STAG1: variants seen among roughly 807,000 people sequenced by gnomAD.
STAG1 encodes STAG1 cohesin complex component.
In STAG1, 26 loss-of-function variants were observed where a neutral mutation model predicts 170.9. The observed-to-expected ratio is 0.15, with a 90% CI of 0.11 to 0.21. The LOEUF (loss-of-function observed/expected upper bound fraction) is 0.21. STAG1 is among the 10% of genes least tolerant of loss of function. STAG1 has a pLI of 1.00. For synonymous variants in STAG1, 514 were observed against 497.7 expected (o/e 1.03, Z -0.44); for missense variants, 964 against 1,509.5 (o/e 0.64, Z 5.99).
Position 136,747,531 on chromosome 3 carries a change from A to G in STAG1, c.-84+4664T>C, listed in dbSNP as rs184562145. Among the ~76,000 whole-genome samples the G allele has an allele frequency of 2.7e-3, 403 of 152,008 alleles. 1 individual carries two copies. Among genetic ancestry groups the G allele is most frequent in the African/African-American group, 9.3e-3 (387 of 41,488 alleles). ...TGGCAAAATCTCATCTCTATACAAA[A>G]TACAAAAATTAGCCGGGCGTAGTGG... On this transcript the variant is annotated intron_variant, in intron 1 of 33. Transcript: ENST00000383202.
At chr3:136,746,093 T>A (rs1162735462) in intron 1 of STAG1, among the ~76,000 whole-genome samples, 2 of 152,180 alleles carry the variant, frequency 1.3e-5, no homozygotes. Flanking sequence ...ACCACCAAAA[T>A]AACAGAAAAC....
chr3:136,722,625 TCCCTCTCCCTCTCCCCCTCCCTCTC>T (rs1184989094), intron 1 of STAG1, among the ~76,000 whole-genome samples: 1 of 149,670 alleles, frequency 6.7e-6, no homozygotes, highest in Non-Finnish European at 1.5e-5. Flanking sequence ...CCTCTCCCTC[TCCCTCTCCCTCTCCCCCTCCCTCTC>T]CCCTCTCCCT....
intron 14 of STAG1, among the ~76,000 whole-genome samples, chr3:136,445,139 T>C (rs565658886): frequency 6.6e-6 from 1 of 152,182 alleles, no homozygotes; most frequent in South Asian, 2.1e-4. Context: ...AGTACTTCAT[T>C]TCGACTGCAT....
chr3:136,554,311 G>C (rs556307701), intron 5 of STAG1, among the ~76,000 whole-genome samples: 1 of 152,142 alleles, frequency 6.6e-6, no homozygotes, highest in Non-Finnish European at 1.5e-5. Context: ...ACCATGATGT[G>C]GGATTTTAAC....
intron 4 of STAG1, among the ~76,000 whole-genome samples, chr3:136,597,054 C>T (rs747371546): frequency 9.2e-5 from 14 of 152,132 alleles, no homozygotes; most frequent in East Asian, 3.9e-4. Flanking sequence ...CCAATCTGCG[C>T]GACAGAGCGA....
At chr3:136,547,939 T>G (rs912610453) in intron 5 of STAG1, among the ~76,000 whole-genome samples, 1 of 152,204 alleles carries the variant, frequency 6.6e-6, no homozygotes, top group African/African-American at 2.4e-5. Context: ...CTTTTGCATG[T>G]AGATATCCAG....
intron 9 of STAG1, among the ~76,000 whole-genome samples, chr3:136,491,428 A>T (rs1158811301): frequency 1.3e-5 from 2 of 152,044 alleles, no homozygotes; most frequent in Non-Finnish European, 2.9e-5. Context: ...ATTCCAATTC[A>T]CTAATTGTCT....
At chr3:136,513,351 C>T (rs778069418) in intron 7 of STAG1, among the ~76,000 whole-genome samples, 76 of 149,896 alleles carry the variant, frequency 5.1e-4, no homozygotes, top group Non-Finnish European at 8.3e-4. Flanking sequence ...AGCAAGACCC[C>T]GTCTCAAAAA....
intron 14 of STAG1, among the ~76,000 whole-genome samples, chr3:136,448,129 A>C (rs1359927300): frequency 6.6e-6 from 1 of 152,228 alleles, no homozygotes; most frequent in Non-Finnish European, 1.5e-5. Context: ...TTGTTTATGC[A>C]GATCTCTTAA....
chr3:136,345,497 G>A (rs1168856406), intron 29 of STAG1, among the ~76,000 whole-genome samples: 1 of 92,924 alleles, frequency 1.1e-5, no homozygotes, highest in Admixed American at 1.2e-4. Flanking sequence ...GTTTTGCTAT[G>A]TTGCCTAGGC....
At chr3:136,399,779 G>A (rs1415063786) in intron 21 of STAG1, among the ~76,000 whole-genome samples, 1 of 152,046 alleles carries the variant, frequency 6.6e-6, no homozygotes, top group African/African-American at 2.4e-5. Context: ...GTTACTAAGA[G>A]TCCCAAAGAG....
intron 1 of STAG1, among the ~76,000 whole-genome samples, chr3:136,725,281 T>G (rs113751232): frequency 1.3e-3 from 196 of 150,064 alleles, no homozygotes; most frequent in African/African-American, 2.6e-3. Flanking sequence ...ATTATACGGG[T>G]GTGTGTGTGT....
intron 13 of STAG1, among the ~76,000 whole-genome samples, chr3:136,457,965 A>C (rs537129118): frequency 1.2e-4 from 18 of 152,106 alleles, no homozygotes; most frequent in Admixed American, 3.9e-4. Context: ...AAACAAAAAA[A>C]CCCCAAAACA....
rs923802721 is a variant in STAG1, at chr3:136,619,853, C to T, written c.132+3293G>A. ...GGCTGAGGTGGGACGATCAGTTGAGCCCAGGAGTTTAAGACCAGCCTGGAC... is the reference window on the plus strand; with the variant it reads ...GGCTGAGGTGGGACGATCAGTTGAGTCCAGGAGTTTAAGACCAGCCTGGAC... On this transcript the variant is annotated intron_variant, in intron 3 of 33. Coordinates refer to ENST00000383202, the MANE Select transcript of STAG1 (RefSeq NM_005862.3). Among the ~76,000 whole-genome samples the T allele has an allele frequency of 4.0e-5, 6 of 150,780 alleles. No individual in the cohort carries two copies. In the South Asian group the frequency reaches 8.4e-4, roughly 21 times the overall value.
intron 19 of STAG1, 83 bp from the exon 20 acceptor site, chr3:136,421,246 T>C: frequency 1.2e-6 from 1 of 813,902 alleles, no homozygotes; most frequent in Non-Finnish European, 1.8e-6. Flanking sequence ...TAAAAATTCT[T>C]CTAAATTATA....
At chr3:136,631,023 G>A in intron 1 of STAG1, 42 bp from the exon 2 acceptor site, 1 of 963,470 alleles carries the variant, frequency 1.0e-6, no homozygotes. Flanking sequence ...ATAAAATGAG[G>A]ATGACAAAAT....
intron 5 of STAG1, among the ~76,000 whole-genome samples, chr3:136,562,046 C>G (rs1936864511): frequency 6.6e-6 from 1 of 151,986 alleles, no homozygotes; most frequent in African/African-American, 2.4e-5. Flanking sequence ...GTGTATTTCC[C>G]CCAAATAAAC....
intron 4 of STAG1, among the ~76,000 whole-genome samples, chr3:136,582,021 T>C (rs1937600963): frequency 6.6e-6 from 1 of 152,292 alleles, no homozygotes; most frequent in South Asian, 2.1e-4. Flanking sequence ...AATAAAAAAG[T>C]AATAAACATT....
intron 2 of STAG1, among the ~76,000 whole-genome samples, chr3:136,624,055 T>C (rs1480413846): frequency 2.6e-5 from 4 of 152,206 alleles, no homozygotes; most frequent in Admixed American, 2.0e-4. Flanking sequence ...ACATAACCGA[T>C]TCTCACAAAA....
Sources: gnomAD v4.1 joint callset for allele counts (sites outside exome capture counted in the v4.1 genomes callset) on GRCh38, gnomAD v4.1.1 for gene constraint, MANE v1.5 for transcripts, NCBI Gene and HGNC (gene_info 2026-07-23, HGNC 2026-07-21) for gene names.